Variants in MYO5A observed in about 807,000 individuals in gnomAD.
MYO5A encodes the protein unconventional myosin-Va.
Under a neutral mutation model 249.7 loss-of-function variants are expected in MYO5A, and 98 were observed. That is an observed-to-expected ratio of 0.39 (90% CI 0.33 to 0.46). The LOEUF is 0.46. MYO5A is among the 20% of genes least tolerant of loss of function. The pLI, the probability that MYO5A is intolerant of heterozygous loss-of-function variation, is 0.98. For synonymous variants in MYO5A, 778 were observed against 810.6 expected (o/e 0.96, Z 0.68); for missense variants, 1,696 against 2,308.8 (o/e 0.73, Z 5.44).
chr15:52,318,960 T>G, intron 39 of MYO5A, 100 bp downstream of exon 39: 626 of 1,430,554 alleles, frequency 4.4e-4, no homozygotes, highest in Non-Finnish European at 5.3e-4. Context: ...GCACCAGACA[T>G]GAGATGCAAG....
At chr15:52,392,148 T>A in intron 11 of MYO5A, 78 bp from the exon 12 acceptor site, 1 of 1,407,420 alleles carries the variant, frequency 7.1e-7, no homozygotes, top group South Asian at 1.2e-5. Flanking sequence ...ACCAACATAA[T>A]TTGAGATAAT....
intron 1 of MYO5A, among the ~76,000 whole-genome samples, chr15:52,459,359 G>C (rs1291111261): frequency 2.6e-5 from 4 of 151,780 alleles, no homozygotes; most frequent in Non-Finnish European, 5.9e-5. Flanking sequence ...AGATTAGGGA[G>C]TGGTGATGAC....
At chr15:52,369,967 G>A (rs1324115865) in intron 22 of MYO5A, among the ~76,000 whole-genome samples, 1 of 146,024 alleles carries the variant, frequency 6.8e-6, no homozygotes, top group Non-Finnish European at 1.5e-5. Flanking sequence ...TATTAGAGTA[G>A]AAAGTTCTAC....
At chr15:52,399,392 G>A (rs1412952874) in intron 9 of MYO5A, among the ~76,000 whole-genome samples, 1 of 152,128 alleles carries the variant, frequency 6.6e-6, no homozygotes, top group Non-Finnish European at 1.5e-5. Flanking sequence ...CAAACTCCTG[G>A]ACTCAAGAGA....
intron 1 of MYO5A, among the ~76,000 whole-genome samples, chr15:52,510,266 A>G (rs548373512): frequency 6.6e-6 from 1 of 152,352 alleles, no homozygotes; most frequent in East Asian, 1.9e-4. Context: ...TGTATAATAA[A>G]CTACTCCATC....
chr15:52,421,236 C>T (rs531522252), intron 4 of MYO5A, among the ~76,000 whole-genome samples: 6 of 152,202 alleles, frequency 3.9e-5, no homozygotes, highest in South Asian at 2.1e-4. Flanking sequence ...GCCAGTGAAC[C>T]GCTGGACCGT....
At chr15:52,403,134 T>C (rs949299401) in intron 9 of MYO5A, among the ~76,000 whole-genome samples, 1 of 152,350 alleles carries the variant, frequency 6.6e-6, no homozygotes, top group South Asian at 2.1e-4. Flanking sequence ...TGAAGTGATA[T>C]ATGTGACATA....
chr15:52,313,568 A>G lies in MYO5A; in HGVS notation c.*128T>C. The G allele has an allele frequency of 8.4e-7, 1 of 1,185,844 alleles. No individual in the cohort carries two copies. Among genetic ancestry groups the G allele is most frequent in the Non-Finnish European group, 1.2e-6 (1 of 820,752 alleles). 73.5% of individuals were successfully genotyped at this position (1,185,844 alleles called of 1,614,324 possible). A position where few individuals can be genotyped will look rare whatever the true frequency, so the allele number is the denominator to read the frequency against. ...AAGTATTCTAGGGAGATTTCCAGTT[A>G]ATGACTTCTCATTTGGGAGATAATC... is the stretch of plus-strand genomic sequence containing the variant. On this transcript the variant is annotated 3_prime_UTR_variant, in exon 42 of 42. Coordinates refer to ENST00000399233, the MANE Select transcript of MYO5A (RefSeq NM_001382347.1).
Position 52,397,363 on chromosome 15 carries a change from G to A in MYO5A, c.1157C>T (p.Thr386Ile), listed in dbSNP as rs2042534495. Residue 386 changes from threonine (T) to isoleucine (I), a missense_variant, in exon 10 of 42, where the codon ACA (threonine) becomes ATA (isoleucine). Physicochemically the swap from Thr to Ile is moderately conservative, Grantham distance 89. This residue lies in a region of MYO5A where 185 missense variants were observed against 204.8 expected (regional missense o/e 0.90). Coordinates refer to ENST00000399233, the MANE Select transcript of MYO5A (RefSeq NM_001382347.1). ...CAGCTTGGAGATGGGCTTGATGTAT[G>A]TCTCTGTGGCAGTAGCCAGTTTCCG... ...CHRKLATATETYIKPISKLQA... is the reference protein window; with the variant it reads ...CHRKLATATEIYIKPISKLQA... 2 of 1,613,998 alleles carry A rather than the reference G, an allele frequency of 1.2e-6. No homozygotes were observed. Among genetic ancestry groups the A allele is most frequent in the African/African-American group, 1.3e-5 (1 of 74,920 alleles).
At chr15:52,366,449 T>A (rs551532299) in intron 23 of MYO5A, among the ~76,000 whole-genome samples, 69 of 151,960 alleles carry the variant, frequency 4.5e-4, no homozygotes, top group African/African-American at 1.5e-3. Flanking sequence ...TAGATCTGTA[T>A]CTTCTTACCC....
chr15:52,514,785 CA>C (rs2141633393), intron 1 of MYO5A, among the ~76,000 whole-genome samples: 1 of 152,168 alleles, frequency 6.6e-6, no homozygotes, highest in South Asian at 2.1e-4. Context: ...AGATGGACAC[CA>C]AAGTTCAGGA....
Position 52,372,300 on chromosome 15 carries a change from G to T in MYO5A, c.2641C>A (p.His881Asn). 6.2e-7 allele frequency: 1 copy of T among 1,609,476 alleles called. No homozygotes were observed. Among genetic ancestry groups the T allele is most frequent in the Admixed American group, 1.7e-5 (1 of 60,010 alleles). ...ATGGCATGCATGCTCCTCTTGTAGT[G>T]TGTGCGGGCCAGCCAGCCCCGGACT... is the stretch of plus-strand genomic sequence containing the variant. ...KRVRGWLART[H>N]YKRSMHAIIY... Residue 881 changes from histidine to asparagine, a missense_variant, in exon 21 of 42, where the codon CAC becomes AAC. Physicochemically the swap from His to Asn is moderately conservative, Grantham distance 68 (BLOSUM62 1). This residue lies in a region of MYO5A where 412 missense variants were observed against 453.3 expected (regional missense o/e 0.91). Transcript: ENST00000399233.
intron 1 of MYO5A, among the ~76,000 whole-genome samples, chr15:52,515,011 C>T (rs1233999478): frequency 6.6e-6 from 1 of 152,160 alleles, no homozygotes; most frequent in Non-Finnish European, 1.5e-5. Flanking sequence ...AGTATGGTGG[C>T]TCACACCTCT....
intron 1 of MYO5A, among the ~76,000 whole-genome samples, chr15:52,455,674 T>C (rs2076103236): frequency 6.6e-6 from 1 of 151,916 alleles, no homozygotes; most frequent in Non-Finnish European, 1.5e-5. Flanking sequence ...AATCAATAAA[T>C]GTAATACATC....
intron 9 of MYO5A, among the ~76,000 whole-genome samples, chr15:52,402,167 A>C (rs554493648): frequency 4.5e-4 from 69 of 152,228 alleles, no homozygotes; most frequent in Non-Finnish European, 8.5e-4. Flanking sequence ...GATCAATTTA[A>C]GCTATATTTT....
In MYO5A at chr15:52,310,696, G is replaced by T; in HGVS notation, c.*3000C>A. 1 of 152,484 alleles carries T rather than the reference G, an allele frequency of 6.6e-6. No homozygotes were observed. 9.4% of individuals were successfully genotyped at this position (152,484 alleles called of 1,614,324 possible). ...GGGATAGACGATTAAGTTGAGGGAA[G>T]GGGAAGAGTGAATGAGTAGGGGAAA... is the stretch of plus-strand genomic sequence containing the variant. On this transcript the variant is annotated 3_prime_UTR_variant, in exon 42 of 42. Coordinates refer to ENST00000399233, the MANE Select transcript of MYO5A (RefSeq NM_001382347.1).
Position 52,313,611 on chromosome 15 carries a change from A to C in MYO5A, c.*85T>G. On this transcript the variant is annotated 3_prime_UTR_variant, in exon 42 of 42. Transcript: ENST00000399233. ...AGATAATCAGTACTTTCTCTTTAAA[A>C]ATGTATTTTCAGTAACTCACTGGAA... 6.6e-7 allele frequency: 1 copy of C among 1,514,858 alleles called. No homozygotes were observed. Among genetic ancestry groups the C allele is most frequent in the African/African-American group, 1.4e-5 (1 of 72,598 alleles). 93.8% of individuals were successfully genotyped at this position (1,514,858 alleles called of 1,614,324 possible). A position where few individuals can be genotyped will look rare whatever the true frequency, so the allele number is the denominator to read the frequency against.
intron 13 of MYO5A, among the ~76,000 whole-genome samples, chr15:52,388,761 C>A (rs1404624453): frequency 6.6e-6 from 1 of 151,986 alleles, no homozygotes; most frequent in Non-Finnish European, 1.5e-5. Context: ...ATTCTGAAAC[C>A]CTTGAGATCA....
chr15:52,508,751 G>A (rs2077327581), intron 1 of MYO5A, among the ~76,000 whole-genome samples: 1 of 151,874 alleles, frequency 6.6e-6, no homozygotes, highest in Admixed American at 6.6e-5. Context: ...AGGTTTTTAT[G>A]CTTCCCTTTT....
Sources: gnomAD v4.1 joint callset for allele counts (sites outside exome capture counted in the v4.1 genomes callset) on GRCh38, gnomAD v4.1.1 for gene constraint, gnomAD v4.1.1 regional missense constraint, MANE v1.5 for transcripts, NCBI Gene and HGNC (gene_info 2026-07-23, HGNC 2026-07-21) for gene names.